The following ZNF527 variants were observed in gnomAD, a reference collection of about 807,000 sequenced individuals.
ZNF527 encodes zinc finger protein 527.
A neutral mutation model predicts 13.5 loss-of-function variants in ZNF527; 5 were observed. The observed-to-expected ratio is 0.37, with a 90% CI of 0.19 to 0.78. ZNF527 has a LOEUF of 0.78. ZNF527 is among the 30% of genes least tolerant of loss of function. The pLI is 0.48. For missense variants in ZNF527, 628 were observed against 726.4 expected (o/e 0.86, Z 1.56); for synonymous variants, 209 against 243.1 (o/e 0.86, Z 1.30).
rs760038166 is a variant in ZNF527, at chr19:37,389,000, C to T, written c.951C>T (p.Leu317=). Residue 317 remains leucine, a synonymous_variant, in exon 5 of 5, where the codon CTC becomes CTT. Coordinates refer to ENST00000436120, the MANE Select transcript of ZNF527 (RefSeq NM_032453.2). The part of the protein sequence containing the change: ...CGKAFSHDFF[L]SEHQRTHIGE... ...AAGCCTTTAGCCACGACTTCTTTCT[C>T]AGTGAACATCAAAGAACTCATATTG... The T allele has an allele frequency of 6.2e-6, 10 of 1,614,156 alleles. No individual in the cohort carries two copies. Among genetic ancestry groups the T allele is most frequent in the Non-Finnish European group, 8.5e-6 (10 of 1,180,004 alleles).
chr19:37,377,816 T>C (rs566449391), intron 2 of ZNF527, among the ~76,000 whole-genome samples: 1 of 152,040 alleles, frequency 6.6e-6, no homozygotes, highest in Non-Finnish European at 1.5e-5. Context: ...TCTGCCTTAC[T>C]TACCTTCCTT....
At position 37,388,627 on chromosome 19, in the gene ZNF527, T is replaced by G; in HGVS notation, c.578T>G (p.Phe193Cys). The G allele has an allele frequency of 6.2e-7, 1 of 1,613,644 alleles. No individual in the cohort carries two copies. Among genetic ancestry groups the G allele is most frequent in the Non-Finnish European group, 8.5e-7 (1 of 1,179,660 alleles). Reference sequence around the variant, plus strand: ...CCTACCATACAGCAAGTACATAAATTTGATATTTATGATAAACTCTTCCCC... The same window carrying G: ...CCTACCATACAGCAAGTACATAAATGTGATATTTATGATAAACTCTTCCCC... Reference protein sequence around the residue: ...KVPTIQQVHKFDIYDKLFPQN... With the variant: ...KVPTIQQVHKCDIYDKLFPQN... The change falls in exon 5 of 5, where the codon TTT (phenylalanine) becomes TGT (cysteine). Residue 193 changes from phenylalanine to cysteine, a missense_variant. Phe to Cys is a radical substitution (Grantham distance 205, BLOSUM62 -2). Around this residue, in one of 3 missense-constraint regions of ZNF527, gnomAD observed 592 missense variants for 678.0 expected, o/e 0.87. Transcript: ENST00000436120.
chr19:37,381,498 A>G (rs2040653694), intron 4 of ZNF527, among the ~76,000 whole-genome samples: 1 of 152,206 alleles, frequency 6.6e-6, no homozygotes, highest in Non-Finnish European at 1.5e-5. Flanking sequence ...ATAATGTTGT[A>G]TCTCTCTCAG....
At chr19:37,387,083 A>T (rs1331055611) in intron 4 of ZNF527, among the ~76,000 whole-genome samples, 1 of 152,138 alleles carries the variant, frequency 6.6e-6, no homozygotes, top group Non-Finnish European at 1.5e-5. Context: ...GATGAATAAT[A>T]TTTCCTTTTC....
Position 37,390,087 on chromosome 19 carries a change from G to T in ZNF527, c.*208G>T. The stretch of plus-strand genomic sequence containing the variant: ...TCTGTTGCCCAGGCTGGAGTGCAGT[G>T]GTGTAATCTTGGCTCACTGCAGCCT... On this transcript the variant is annotated 3_prime_UTR_variant, in exon 5 of 5. Transcript: ENST00000436120. 2.0e-6 allele frequency: 1 copy of T among 499,058 alleles called. No homozygotes were observed. The highest frequency in any genetic ancestry group is 3.3e-6 in the Non-Finnish European group (1 of 306,956). The allele number at this position is 499,058 out of a possible 1,614,324, so 30.9% of individuals were successfully genotyped here.
intron 1 of ZNF527, among the ~76,000 whole-genome samples, chr19:37,373,445 A>G (rs2040574892): frequency 6.6e-6 from 1 of 152,226 alleles, no homozygotes. Flanking sequence ...TTATTCATTT[A>G]TCTAATTTTT....
intron 4 of ZNF527, among the ~76,000 whole-genome samples, chr19:37,380,767 C>T (rs1600267009): frequency 6.6e-6 from 1 of 152,126 alleles, no homozygotes; most frequent in East Asian, 1.9e-4. Context: ...ATTACCTTTG[C>T]ACCAAAAAGC....
rs193056670 is a variant in ZNF527 at position 37,389,650 on chromosome 19, C to A, written c.1601C>A (p.Ala534Asp). Residue 534 changes from alanine to aspartate, a missense_variant, in exon 5 of 5, where the codon GCC becomes GAC. Coordinates refer to ENST00000436120, the MANE Select transcript of ZNF527 (RefSeq NM_032453.2). ...TATGAATGTAACAAATGTGGAAAGG[C>A]CTTCAGTTGTGGCTCATATCTTAAT... ...KPYECNKCGKAFSCGSYLNQH... is the reference protein window; with the variant it reads ...KPYECNKCGKDFSCGSYLNQH... 2 of 1,613,942 alleles carry A rather than the reference C, an allele frequency of 1.2e-6. No homozygotes were observed. The highest frequency in any genetic ancestry group is 1.7e-6 in the Non-Finnish European group (2 of 1,180,026).
intron 4 of ZNF527, among the ~76,000 whole-genome samples, chr19:37,386,580 A>C (rs776762177): frequency 3.9e-5 from 6 of 152,186 alleles, no homozygotes; most frequent in Admixed American, 6.5e-5. Context: ...ATGTTATTTA[A>C]ATTTAAATTG....
At chr19:37,376,682 CAAAAAAAA>C (rs35179002) in intron 2 of ZNF527, among the ~76,000 whole-genome samples, 22 of 48,550 alleles carry the variant, frequency 4.5e-4, no homozygotes, top group African/African-American at 1.9e-3. Context: ...ACTCCATCTC[CAAAAAAAA>C]AAAAAAAAAA....
At chr19:37,384,442 G>A (rs540129207) in intron 4 of ZNF527, among the ~76,000 whole-genome samples, 1 of 152,200 alleles carries the variant, frequency 6.6e-6, no homozygotes, top group South Asian at 2.1e-4. Context: ...AGGCTGCAAT[G>A]AGCTGTGATA....
Position 37,388,648 on chromosome 19 carries a change from T to TC in ZNF527, c.604dup (p.Gln202ProfsTer7), listed in dbSNP as rs2040720860. 2.5e-6 allele frequency: 4 copies of TC among 1,613,136 alleles called. No individual in the cohort carries two copies. The highest frequency in any genetic ancestry group is 3.4e-6 in the Non-Finnish European group (4 of 1,179,784). ...AAATTTGATATTTATGATAAACTCT[T>TC]CCCCCAAAATTCAGTCATAATTGAA... On this transcript the variant is annotated frameshift_variant, in exon 5 of 5. Transcript: ENST00000436120. LOFTEE classifies it low-confidence loss of function (END_TRUNC).
intron 2 of ZNF527, among the ~76,000 whole-genome samples, chr19:37,375,298 C>CTTTCTTTCTTTCTTTCTTTCTTTCT (rs1555826965): frequency 9.6e-6 from 1 of 103,740 alleles, no homozygotes; most frequent in Non-Finnish European, 1.9e-5. Context: ...TTCTTTCTTT[C>CTTTCTTTCTTTCTTTCTTTCTTTCT]TTTCTTTCTT....
chr19:37,379,466 T>C lies in ZNF527; in HGVS notation c.160+220T>C. 4 of 322,694 alleles carry C rather than the reference T, an allele frequency of 1.2e-5. No individual in the cohort carries two copies. The East Asian group carries it at 1.9e-4, about 16-fold the overall frequency. The allele number at this position is 322,694 out of a possible 1,614,324, so 20.0% of individuals were successfully genotyped here. A position where few individuals can be genotyped will look rare whatever the true frequency, so the allele number is the denominator to read the frequency against. On this transcript the variant is annotated intron_variant, in intron 3 of 4. Transcript: ENST00000436120. The stretch of plus-strand genomic sequence containing the variant: ...TGAACACATGAAGTAATTTCTTTTT[T>C]TTTTTTTTTTTTTGAGACAGAGTCT...
chr19:37,371,320 C>G (rs1009413530), intron 1 of ZNF527, 94 bp downstream of exon 1: 4 of 152,250 alleles, frequency 2.6e-5, no homozygotes, highest in African/African-American at 9.6e-5. Flanking sequence ...GCAGGAGTCG[C>G]TGGGGAGGCC....
In ZNF527 at chr19:37,388,919, T is replaced by G. The variant is rs1355170404; in HGVS notation, c.870T>G (p.Thr290=). The change falls in exon 5 of 5, where the codon ACT becomes ACG. Residue 290 remains threonine (T), a synonymous_variant. Transcript: ENST00000436120. ...GDAFSCYSFF[T]QPQRIHSGEK... ...CCTTTAGCTGTTACTCATTCTTTAC[T>G]CAACCTCAGAGAATTCACAGTGGAG... 1 of 1,613,928 alleles carries G rather than the reference T, an allele frequency of 6.2e-7. No homozygotes were observed. The highest frequency in any genetic ancestry group is 8.5e-7 in the Non-Finnish European group (1 of 1,179,978).
At chr19:37,385,541 T>C in intron 4 of ZNF527, 1 of 391,564 alleles carries the variant, frequency 2.6e-6, no homozygotes, top group Non-Finnish European at 4.5e-6. Flanking sequence ...TGTTCTTTTT[T>C]TGTTCATAAT....
chr19:37,380,120 T>C lies in ZNF527; in HGVS notation c.161-157T>C, dbSNP rs543445797. 5.9e-5 allele frequency: 81 copies of C among 1,374,184 alleles called. No homozygotes were observed. The Admixed American group carries it at 8.5e-4, about 14-fold the overall frequency. 85.1% of individuals were successfully genotyped at this position (1,374,184 alleles called of 1,614,324 possible). A position where few individuals can be genotyped will look rare whatever the true frequency, so the allele number is the denominator to read the frequency against. On this transcript the variant is annotated intron_variant, in intron 3 of 4. Transcript: ENST00000436120. ...GAAGCTTCATCCTCCTCCTCATCCA[T>C]ACAAGCGTCATTCCATTCTCTAGCT...
rs964896770 is a variant in ZNF527, at chr19:37,385,921, T to C, written c.257-2385T>C. ...CTTCTGCCCTTCTAGTTTAGCTACATCCAGGTACCCTTCTTCATTTTCATA... is the reference window on the plus strand; with the variant it reads ...CTTCTGCCCTTCTAGTTTAGCTACACCCAGGTACCCTTCTTCATTTTCATA... On this transcript the variant is annotated intron_variant, in intron 4 of 4. Coordinates refer to ENST00000436120, the MANE Select transcript of ZNF527 (RefSeq NM_032453.2). Among the ~76,000 whole-genome samples, 3 of 152,110 alleles carry C rather than the reference T, an allele frequency of 2.0e-5. No homozygotes were observed. The South Asian group carries it at 6.2e-4, about 31-fold the overall frequency.
Sources: allele counts gnomAD v4.1 joint callset (sites outside exome capture counted in the v4.1 genomes callset), GRCh38; gene constraint gnomAD v4.1.1; regional missense constraint gnomAD v4.1.1; transcripts MANE v1.5; gene names NCBI Gene and HGNC (gene_info 2026-07-23, HGNC 2026-07-21).